The following ADIPOR2 variants were observed in gnomAD, a reference collection of about 807,000 sequenced individuals.
ADIPOR2 encodes adiponectin receptor protein 2.
A neutral mutation model predicts 40.9 loss-of-function variants in ADIPOR2; 18 were observed. The ratio of observed to expected loss-of-function variants is 0.44; its 90% confidence interval spans 0.30 to 0.65. The LOEUF (loss-of-function observed/expected upper bound fraction) is 0.65, where lower values mean the gene tolerates loss of function less well. ADIPOR2 is among the 30% of genes least tolerant of loss of function. The pLI, the probability that ADIPOR2 is intolerant of heterozygous loss-of-function variation, is 0.09. For synonymous variants in ADIPOR2, 165 were observed against 166.4 expected (o/e 0.99, Z 0.06); for missense variants, 283 against 479.2 (o/e 0.59, Z 3.82).
intron 1 of ADIPOR2, among the ~76,000 whole-genome samples, chr12:1,723,662 AAAC>A (rs561292771): frequency 4.0e-5 from 6 of 150,260 alleles, no homozygotes; most frequent in Non-Finnish European, 5.9e-5. Context: ...AAACAAAACA[AAAC>A]AACAACAACA....
intron 2 of ADIPOR2, among the ~76,000 whole-genome samples, chr12:1,765,011 T>C (rs1421095978): frequency 6.6e-6 from 1 of 152,210 alleles, no homozygotes; most frequent in African/African-American, 2.4e-5. Flanking sequence ...AGTACTTGTT[T>C]TTTAGTGAAC....
At chr12:1,758,024 C>T in intron 2 of ADIPOR2, 1 of 758,086 alleles carries the variant, frequency 1.3e-6, no homozygotes, top group Non-Finnish European at 2.3e-6. Context: ...CTGCGTTAGG[C>T]AGGGAAAGCA....
At chr12:1,702,098 G>C (rs1302227162) in intron 1 of ADIPOR2, among the ~76,000 whole-genome samples, 1 of 151,956 alleles carries the variant, frequency 6.6e-6, no homozygotes, top group African/African-American at 2.4e-5. Context: ...CTCCAGCTTG[G>C]GTGATGAGCG....
intron 1 of ADIPOR2, among the ~76,000 whole-genome samples, chr12:1,746,790 G>A (rs146183118): frequency 4.6e-5 from 7 of 152,326 alleles, no homozygotes; most frequent in African/African-American, 9.6e-5. Context: ...AACATTTTAC[G>A]AGACTGAAGT....
chr12:1,720,806 T>C (rs2094696400), intron 1 of ADIPOR2, among the ~76,000 whole-genome samples: 1 of 152,154 alleles, frequency 6.6e-6, no homozygotes, highest in Non-Finnish European at 1.5e-5. Flanking sequence ...AATTAAATCT[T>C]GGGGCCCTCA....
At chr12:1,700,797 T>TAAA (rs141307691) in intron 1 of ADIPOR2, among the ~76,000 whole-genome samples, 13 of 144,228 alleles carry the variant, frequency 9.0e-5, no homozygotes, top group Admixed American at 2.1e-4. Context: ...GCCCTAGATT[T>TAAA]AAAAAAAAAA....
At chr12:1,703,349 G>GA (rs1411841103) in intron 1 of ADIPOR2, among the ~76,000 whole-genome samples, 1 of 152,196 alleles carries the variant, frequency 6.6e-6, no homozygotes, top group Non-Finnish European at 1.5e-5. Context: ...AGAAGGGTCT[G>GA]AAAATATATA....
chr12:1,721,125 G>A (rs10848558), intron 1 of ADIPOR2, among the ~76,000 whole-genome samples: 52,196 of 151,120 alleles, frequency 0.35, 9,496 homozygotes, highest in East Asian at 0.5. Flanking sequence ...ACTTTGCCCC[G>A]GCCACCTTGA....
chr12:1,719,513 T>C (rs2094693766), intron 1 of ADIPOR2, among the ~76,000 whole-genome samples: 1 of 152,202 alleles, frequency 6.6e-6, no homozygotes, highest in Non-Finnish European at 1.5e-5. Flanking sequence ...GCTCTAGCTG[T>C]TTTGTCATCT....
intron 1 of ADIPOR2, among the ~76,000 whole-genome samples, chr12:1,724,782 C>T (rs932587482): frequency 2.0e-5 from 3 of 152,110 alleles, no homozygotes; most frequent in South Asian, 4.1e-4. Context: ...CCTCGACTTC[C>T]TGGACTCAAG....
chr12:1,698,782 T>C (rs1440767808), intron 1 of ADIPOR2, among the ~76,000 whole-genome samples: 1 of 152,170 alleles, frequency 6.6e-6, no homozygotes. Context: ...ATGTGTGTTA[T>C]CACATTGCCA....
Position 1,691,127 on chromosome 12 carries a change from C to A in ADIPOR2, c.-151C>A. On this transcript the variant is annotated 5_prime_UTR_variant, in exon 1 of 8. Transcript: ENST00000357103. ...GGCTACACCGGGCTTGGCCCCCTCC[C>A]TCCTCCGTTCCCCCCTCCTCCCCCC... The A allele has an allele frequency of 6.3e-6, 1 of 158,600 alleles. No individual in the cohort carries two copies. Among genetic ancestry groups the A allele is most frequent in the South Asian group, 1.5e-4 (1 of 6,716 alleles). 9.8% of individuals were successfully genotyped at this position (158,600 alleles called of 1,614,324 possible).
Position 1,754,307 on chromosome 12 carries a change from AAGAC to A in ADIPOR2, c.-33_-30del, listed in dbSNP as rs1862065605. On this transcript the variant is annotated 5_prime_UTR_variant, in exon 2 of 8. Transcript: ENST00000357103. ...CATTCTCCCAAGAAGAGGGGACAGA[AAGAC>A]AGATCTATTTGTAAGAAAGGCTTGG... 6.5e-7 allele frequency: 1 copy of A among 1,536,632 alleles called. No homozygotes were observed. Among genetic ancestry groups the A allele is most frequent in the South Asian group, 1.3e-5 (1 of 75,950 alleles).
chr12:1,749,833 T>G lies in ADIPOR2; in HGVS notation c.-86-4425T>G, dbSNP rs1044024106. Reference sequence around the variant, plus strand: ...GTATAACATATTGCTATTTGTTTAGTTTTTTTTTTTTTTTTTTTTGAGAAA... The same window carrying G: ...GTATAACATATTGCTATTTGTTTAGGTTTTTTTTTTTTTTTTTTTGAGAAA... On this transcript the variant is annotated intron_variant, in intron 1 of 7. Transcript: ENST00000357103. 4.3e-4 allele frequency among the ~76,000 whole-genome samples: 12 copies of G among 28,076 alleles called. No homozygotes were observed. In the South Asian group the frequency reaches 5.3e-3, roughly 12 times the overall value. The allele number at this position is 28,076 out of a possible 152,430, so 18.4% of individuals were successfully genotyped here.
chr12:1,704,837 T>A (rs2094658826), intron 1 of ADIPOR2, among the ~76,000 whole-genome samples: 1 of 152,200 alleles, frequency 6.6e-6, no homozygotes. Context: ...TCTTTTTTCT[T>A]TTTATTCCTT....
At chr12:1,727,457 T>C (rs2094710134) in intron 1 of ADIPOR2, among the ~76,000 whole-genome samples, 2 of 152,198 alleles carry the variant, frequency 1.3e-5, no homozygotes, top group African/African-American at 4.8e-5. Flanking sequence ...CATTCACTCA[T>C]TGCATGTATA....
At chr12:1,759,580 A>G (rs1054276130) in intron 2 of ADIPOR2, among the ~76,000 whole-genome samples, 11 of 152,242 alleles carry the variant, frequency 7.2e-5, no homozygotes, top group Non-Finnish European at 1.6e-4. Context: ...CTTTAAATCA[A>G]TAAACCTATT....
At chr12:1,774,891 G>A (rs1862557459) in intron 3 of ADIPOR2, among the ~76,000 whole-genome samples, 1 of 145,882 alleles carries the variant, frequency 6.9e-6, no homozygotes, top group Non-Finnish European at 1.5e-5. Flanking sequence ...TTTTAGTAGA[G>A]ATGGGGTTTC....
chr12:1,694,191 CA>C (rs2094633273), intron 1 of ADIPOR2, among the ~76,000 whole-genome samples: 1 of 152,184 alleles, frequency 6.6e-6, no homozygotes, highest in Admixed American at 6.5e-5. Context: ...TATCAGCTAG[CA>C]AATGGTGGAG....
Sources: gnomAD v4.1 joint callset for allele counts (sites outside exome capture counted in the v4.1 genomes callset) on GRCh38, gnomAD v4.1.1 for gene constraint, MANE v1.5 for transcripts, NCBI Gene and HGNC (gene_info 2026-07-23, HGNC 2026-07-21) for gene names.